Variants in HIBCH observed in about 807,000 individuals in gnomAD.
HIBCH encodes 3-hydroxyisobutyryl-CoA hydrolase, mitochondrial.
HIBCH carries 50 observed loss-of-function variants against 58.2 expected under a neutral mutation model. The ratio of observed to expected loss-of-function variants is 0.86; its 90% confidence interval spans 0.68 to 1.09. The LOEUF (loss-of-function observed/expected upper bound fraction) is 1.09. Among genes scored for constraint, HIBCH ranks in the 50% least tolerant of loss-of-function variants. The probability of loss-of-function intolerance (pLI) is 0.00; values close to 1 mark genes in which losing one functional copy is unlikely to be tolerated. For synonymous variants in HIBCH, 151 were observed against 146.9 expected (o/e 1.03, Z -0.20); for missense variants, 450 against 449.7 (o/e 1.00, Z -0.01).
rs1427618400 is a variant in HIBCH at position 190,281,638 on chromosome 2, A to C, written c.438+5948T>G. ...CACACCTTGGTTTCCTCTCCCAAAA[A>C]GTTTTTTCACTCTTTACATGGCCAG... is the stretch of plus-strand genomic sequence containing the variant. On this transcript the variant is annotated intron_variant, in intron 6 of 13. Transcript: ENST00000359678. The surrounding 1 kb of genome is among the most constrained non-coding windows in gnomAD (Gnocchi z 5.4). Among the ~76,000 whole-genome samples the C allele has an allele frequency of 6.6e-6, 1 of 152,092 alleles. No homozygotes were observed. The highest frequency in any genetic ancestry group is 2.1e-4 in the South Asian group (1 of 4,816).
chr2:190,294,509 G>A (rs771823023), intron 4 of HIBCH, 37 bp downstream of exon 4: 1 of 1,355,962 alleles, frequency 7.4e-7, no homozygotes, highest in South Asian at 1.2e-5. Context: ...TTCTAGTAGG[G>A]GGAAAGAGCA....
At chr2:190,195,000 G>A (rs1032654136) in intron 1 of HIBCH, among the ~76,000 whole-genome samples, 2 of 152,018 alleles carry the variant, frequency 1.3e-5, no homozygotes, top group African/African-American at 4.8e-5. Context: ...AACTGTAGGT[G>A]TGCACCACCA....
In HIBCH at chr2:190,254,130, A is replaced by G. The variant is rs899169288; in HGVS notation, c.518-1823T>C. ...ATATGCTGATTACTCCCTGCTATGG[A>G]CTGCATTGTGTCCTTCCAAAAAGTC... On this transcript the variant is annotated intron_variant, in intron 7 of 13. Coordinates refer to ENST00000359678, the MANE Select transcript of HIBCH (RefSeq NM_014362.4). The surrounding 1 kb of genome is among the most constrained non-coding windows in gnomAD (Gnocchi z 5.0). Among the ~76,000 whole-genome samples the G allele has an allele frequency of 5.3e-5, 8 of 152,290 alleles. No homozygotes were observed. The highest frequency in any genetic ancestry group is 6.8e-3 in the Middle Eastern group (2 of 294).
chr2:190,249,964 C>T (rs1277601075), intron 8 of HIBCH, among the ~76,000 whole-genome samples: 1 of 152,164 alleles, frequency 6.6e-6, no homozygotes, highest in Non-Finnish European at 1.5e-5. Flanking sequence ...GAAATAGAGA[C>T]TTTTGTTTCT....
chr2:190,302,166 C>G (rs1038650313), intron 2 of HIBCH, among the ~76,000 whole-genome samples: 6 of 152,226 alleles, frequency 3.9e-5, no homozygotes, highest in African/African-American at 1.4e-4. Context: ...AGCCTGCAGG[C>G]TGACCATCCC....
At chr2:190,256,830 T>C (rs1299065097) in intron 7 of HIBCH, among the ~76,000 whole-genome samples, 1 of 152,092 alleles carries the variant, frequency 6.6e-6, no homozygotes, top group Non-Finnish European at 1.5e-5. Flanking sequence ...AATGAATGTA[T>C]AAGCTGAAAA....
chr2:190,193,695 A>T (rs1218447346), intron 1 of HIBCH, among the ~76,000 whole-genome samples: 1 of 152,142 alleles, frequency 6.6e-6, no homozygotes, highest in Non-Finnish European at 1.5e-5. Flanking sequence ...CCCATTACAC[A>T]TCTTAATATG....
chr2:190,205,163 A>C lies in HIBCH; in HGVS notation c.1115T>G (p.Leu372Trp). Residue 372 changes from leucine (L) to tryptophan (W), a missense_variant, in exon 14 of 14, where the codon TTG becomes TGG. Physicochemically the swap from Leu to Trp is moderately conservative, Grantham distance 61. Transcript: ENST00000359678. Reference sequence around the variant, plus strand: ...TCCCAAAGACTTAAAGTGATTATTCAAATCTTCCTCAGTAACTTCTTTTAG... The same window carrying C: ...TCCCAAAGACTTAAAGTGATTATTCCAATCTTCCTCAGTAACTTCTTTTAG... ...ADLKEVTEED[L>W]NNHFKSLGSS... 6.2e-7 allele frequency: 1 copy of C among 1,611,062 alleles called. No individual in the cohort carries two copies. Among genetic ancestry groups the C allele is most frequent in the Non-Finnish European group, 8.5e-7 (1 of 1,178,094 alleles).
rs543938813 is a variant in HIBCH, at chr2:190,299,078, A to G, written c.79-2125T>C. On this transcript the variant is annotated intron_variant, in intron 2 of 13. Transcript: ENST00000359678. ...ATTCTTAACACATTCCTTTATGTAAAGGCAACACTTAAAACCTCACATGGG... is the reference window on the plus strand; with the variant it reads ...ATTCTTAACACATTCCTTTATGTAAGGGCAACACTTAAAACCTCACATGGG... Among the ~76,000 whole-genome samples the G allele has an allele frequency of 1.8e-4, 28 of 152,290 alleles. No individual in the cohort carries two copies. The East Asian group carries it at 2.1e-3, about 12-fold the overall frequency.
At chr2:190,302,480 A>G (rs1370504648) in intron 2 of HIBCH, among the ~76,000 whole-genome samples, 1 of 152,224 alleles carries the variant, frequency 6.6e-6, no homozygotes, top group African/African-American at 2.4e-5. Flanking sequence ...TAGACTGGCC[A>G]GAACCACTCC....
At chr2:190,238,883 A>G (rs1686366111) in intron 11 of HIBCH, among the ~76,000 whole-genome samples, 1 of 152,206 alleles carries the variant, frequency 6.6e-6, no homozygotes, top group Admixed American at 6.5e-5. Context: ...TTAGATGGAT[A>G]GGTTGCAAAA....
chr2:190,252,796 G>C (rs1398646674), intron 7 of HIBCH, among the ~76,000 whole-genome samples: 2 of 152,092 alleles, frequency 1.3e-5, no homozygotes, highest in Non-Finnish European at 2.9e-5. Context: ...ATAATCACAA[G>C]TCCTACTAAA....
intron 1 of HIBCH, among the ~76,000 whole-genome samples, chr2:190,190,730 A>T (rs980312874): frequency 6.6e-6 from 1 of 152,198 alleles, no homozygotes; most frequent in African/African-American, 2.4e-5. Flanking sequence ...AAATTTTAGC[A>T]ATCTTAGTGT....
intron 3 of HIBCH, among the ~76,000 whole-genome samples, chr2:190,295,116 G>A (rs1253995896): frequency 6.6e-6 from 1 of 152,070 alleles, no homozygotes; most frequent in African/African-American, 2.4e-5. Flanking sequence ...AAGTCCTTTG[G>A]GATTGGTAAA....
chr2:190,234,694 T>C (rs1686211065), intron 11 of HIBCH, among the ~76,000 whole-genome samples: 1 of 151,860 alleles, frequency 6.6e-6, no homozygotes, highest in African/African-American at 2.4e-5. Context: ...TACTAAAAAA[T>C]ATAAAAATTA....
chr2:190,277,899 C>G (rs1687598275), intron 6 of HIBCH, among the ~76,000 whole-genome samples: 1 of 152,218 alleles, frequency 6.6e-6, no homozygotes, highest in African/African-American at 2.4e-5. Flanking sequence ...GTTCTGCATG[C>G]TGCCAGATTC....
intron 11 of HIBCH, among the ~76,000 whole-genome samples, chr2:190,233,993 A>T (rs1686187736): frequency 6.6e-6 from 1 of 152,192 alleles, no homozygotes; most frequent in Non-Finnish European, 1.5e-5. Context: ...CCCCATCTCT[A>T]CTAAAAATGC....
chr2:190,283,625 T>C (rs566553442), intron 6 of HIBCH, among the ~76,000 whole-genome samples: 1 of 152,332 alleles, frequency 6.6e-6, no homozygotes. Flanking sequence ...CTCCTCGTCC[T>C]AAGCATTTCA....
rs1328788083 is a variant in HIBCH at position 190,213,072 on chromosome 2, T to C, written c.895A>G (p.Ile299Val). The change falls in exon 12 of 14, where the codon ATT becomes GTT. Residue 299 changes from isoleucine (I) to valine (V), a missense_variant. Transcript: ENST00000359678. ...AGAGATGTTGGAGACATTTTATTAATTACCTTTTGGAGGAAAAAATTTACT... is the reference window on the plus strand; with the variant it reads ...AGAGATGTTGGAGACATTTTATTAACTACCTTTTGGAGGAAAAAATTTACT... Reference protein sequence around the residue: ...SSFALEQLKVINKMSPTSLKI... With the variant: ...SSFALEQLKVVNKMSPTSLKI... 2 of 1,606,534 alleles carry C rather than the reference T, an allele frequency of 1.2e-6. No homozygotes were observed.
Sources: gnomAD v4.1 joint callset for allele counts (sites outside exome capture counted in the v4.1 genomes callset) on GRCh38, gnomAD v4.1.1 for gene constraint, Gnocchi (gnomAD v3.1) non-coding constraint, MANE v1.5 for transcripts, NCBI Gene and HGNC (gene_info 2026-07-23, HGNC 2026-07-21) for gene names.